Variants in DNMT3A observed in about 807,000 individuals in gnomAD.
The protein encoded by DNMT3A is DNA methyltransferase 3 alpha.
In DNMT3A, 267 loss-of-function variants were observed where a neutral mutation model predicts 117.6. That is an observed-to-expected ratio of 2.27 (90% CI 2.05 to 2.51). The LOEUF (loss-of-function observed/expected upper bound fraction) is 2.51. Among genes scored for constraint, DNMT3A ranks in the 30% most tolerant of loss-of-function variants. The probability of loss-of-function intolerance (pLI) is 0.00; values close to 1 mark genes in which losing one functional copy is unlikely to be tolerated. For missense variants in DNMT3A, 1,029 were observed against 1,260.2 expected (o/e 0.82, Z 2.78); for synonymous variants, 432 against 474.8 (o/e 0.91, Z 1.17).
At chr2:25,317,161 A>G (rs1449430359) in intron 1 of DNMT3A, among the ~76,000 whole-genome samples, 1 of 151,780 alleles carries the variant, frequency 6.6e-6, no homozygotes, top group Admixed American at 6.6e-5. Flanking sequence ...GCTCAAGTGC[A>G]AGTGATCCTC....
At chr2:25,340,588 C>A (rs1379732170) in intron 1 of DNMT3A, among the ~76,000 whole-genome samples, 1 of 152,042 alleles carries the variant, frequency 6.6e-6, no homozygotes, top group African/African-American at 2.4e-5. Flanking sequence ...CCGCCGCCTG[C>A]GGCTCCGAAG....
Position 25,245,245 on chromosome 2 carries a change from G to C in DNMT3A, c.1554+8C>G, listed in dbSNP as rs1284363803. 6.2e-7 allele frequency: 1 copy of C among 1,613,564 alleles called. No homozygotes were observed. The highest frequency in any genetic ancestry group is 8.5e-7 in the Non-Finnish European group (1 of 1,179,806). On this transcript the variant is annotated splice_region_variant and intron_variant, in intron 13 of 22. Transcript: ENST00000321117. ...AACGGCACCTCTCCTGGGTGGGTGT[G>C]CTCCTACCTTGCAGTTTTGGCACAT...
At chr2:25,300,607 AAATAATATATTATTTAGATATC>A (rs1241845595) in intron 2 of DNMT3A, among the ~76,000 whole-genome samples, 4 of 7,900 alleles carry the variant, frequency 5.1e-4, no homozygotes, top group Non-Finnish European at 1.9e-3. Flanking sequence ...ATATATATCT[AAATAATATATTATTTAGATATC>A]TAAATAATAT....
rs573357874 is a variant in DNMT3A at position 25,236,570 on chromosome 2, G to A, written c.2478+366C>T. 6.6e-6 allele frequency among the ~76,000 whole-genome samples: 1 copy of A among 152,244 alleles called. No individual in the cohort carries two copies. The highest frequency in any genetic ancestry group is 1.9e-4 in the East Asian group (1 of 5,164). ...AGTGCCCCAGGTAGTCACTCCGGGA[G>A]ATTCCAGCTCCAGAGAGAAATGGAG... On this transcript the variant is annotated intron_variant, in intron 21 of 22. Transcript: ENST00000321117. The surrounding 1 kb of genome is among the most constrained non-coding windows in gnomAD (Gnocchi z 4.5).
intron 4 of DNMT3A, among the ~76,000 whole-genome samples, chr2:25,279,848 G>A (rs769506927): frequency 7.2e-5 from 11 of 151,960 alleles, no homozygotes; most frequent in Non-Finnish European, 1.3e-4. Context: ...CACCAAGCTC[G>A]ACTAATTTTT....
At chr2:25,269,231 G>A (rs976506667) in intron 6 of DNMT3A, among the ~76,000 whole-genome samples, 5 of 152,204 alleles carry the variant, frequency 3.3e-5, no homozygotes, top group Admixed American at 3.3e-4. Context: ...CTGAGGCGAG[G>A]CACGAGAATC....
chr2:25,260,451 A>G (rs931605300), intron 6 of DNMT3A, among the ~76,000 whole-genome samples: 1 of 152,138 alleles, frequency 6.6e-6, no homozygotes, highest in East Asian at 1.9e-4. Context: ...TGGTATATAT[A>G]AGCAAGCTCA....
In DNMT3A at chr2:25,311,981, C is replaced by A. The variant is rs889398930; in HGVS notation, c.72+1932G>T. Among the ~76,000 whole-genome samples, 37 of 152,134 alleles carry A rather than the reference C, an allele frequency of 2.4e-4. No individual in the cohort carries two copies. The highest frequency in any genetic ancestry group is 8.9e-4 in the African/African-American group (37 of 41,432). On this transcript the variant is annotated intron_variant, in intron 2 of 22. Coordinates refer to ENST00000321117, the MANE Select transcript of DNMT3A (RefSeq NM_022552.5). The surrounding 1 kb of genome is among the most constrained non-coding windows in gnomAD (Gnocchi z 5.2). ...CCGCAGCCCAGAGCAGCAGCAGCGGCGTGGGAGTACAGTCCAGTAACAGGA... is the reference window on the plus strand; with the variant it reads ...CCGCAGCCCAGAGCAGCAGCAGCGGAGTGGGAGTACAGTCCAGTAACAGGA...
At chr2:25,315,789 C>T (rs2034350815) in intron 1 of DNMT3A, among the ~76,000 whole-genome samples, 1 of 152,236 alleles carries the variant, frequency 6.6e-6, no homozygotes, top group Admixed American at 6.5e-5. Flanking sequence ...ACTGGTCCAA[C>T]CCAGAAGCAC....
rs1008609042 is a variant in DNMT3A, at chr2:25,341,290, C to T, written c.-178+536G>A. Among the ~76,000 whole-genome samples, 8 of 144,906 alleles carry T rather than the reference C, an allele frequency of 5.5e-5. No individual in the cohort carries two copies. The East Asian group carries it at 1.6e-3, about 29-fold the overall frequency. On this transcript the variant is annotated intron_variant, in intron 1 of 22. Transcript: ENST00000321117. ...GCCGCGGAGCCTGCGCGGGGCCCGG[C>T]CCCCGCCCCCTCCCCCGCTCCCCCG...
chr2:25,322,352 T>C (rs2034627765), intron 1 of DNMT3A, among the ~76,000 whole-genome samples: 1 of 152,092 alleles, frequency 6.6e-6, no homozygotes, highest in Non-Finnish European at 1.5e-5. Context: ...TCCACCTCTG[T>C]TGTTCTATGA....
chr2:25,300,737 A>C (rs1469700302), intron 2 of DNMT3A, among the ~76,000 whole-genome samples: 30 of 40,934 alleles, frequency 7.3e-4, no homozygotes, highest in African/African-American at 3.1e-3. Context: ...ATATATATAT[A>C]TATATATATA....
chr2:25,241,758 C>T (rs1309293997), intron 16 of DNMT3A, 51 bp from the exon 17 acceptor site: 1 of 1,597,638 alleles, frequency 6.3e-7, no homozygotes, highest in Non-Finnish European at 8.5e-7. Flanking sequence ...TCCCTGGCAC[C>T]CTGGTCTCGG....
At chr2:25,303,168 C>A (rs2033609280) in intron 2 of DNMT3A, among the ~76,000 whole-genome samples, 1 of 152,240 alleles carries the variant, frequency 6.6e-6, no homozygotes, top group African/African-American at 2.4e-5. Flanking sequence ...CAGAGGGAGT[C>A]ATTTGACTTT....
chr2:25,321,596 C>A (rs1464766437), intron 1 of DNMT3A, among the ~76,000 whole-genome samples: 1 of 152,240 alleles, frequency 6.6e-6, no homozygotes, highest in African/African-American at 2.4e-5. Flanking sequence ...ATTCTGGCTA[C>A]CAAATGCACA....
chr2:25,271,885 G>C (rs2030939066), intron 6 of DNMT3A, among the ~76,000 whole-genome samples: 1 of 152,244 alleles, frequency 6.6e-6, no homozygotes, highest in Non-Finnish European at 1.5e-5. Flanking sequence ...AGACTTACTA[G>C]AAAATCTTTT....
rs751360082 is a variant in DNMT3A, at chr2:25,247,610, C to T, written c.995G>A (p.Gly332Glu). The T allele has an allele frequency of 1.2e-6, 2 of 1,614,108 alleles. No individual in the cohort carries two copies. Among genetic ancestry groups the T allele is most frequent in the South Asian group, 1.1e-5 (1 of 91,068 alleles). ...ACTTACCACTGAGAATTTGCCGTCTCCGAACCACATGACCCAGCGGGTGCC... is the reference window on the plus strand; with the variant it reads ...ACTTACCACTGAGAATTTGCCGTCTTCGAACCACATGACCCAGCGGGTGCC... ...AEGTRWVMWFGDGKFSVVCVE... is the reference protein window; with the variant it reads ...AEGTRWVMWFEDGKFSVVCVE... Residue 332 changes from glycine (G) to glutamate (E), a missense_variant, in exon 8 of 23, where the codon GGA becomes GAA. By Grantham distance (98) the Gly-to-Glu change is moderately conservative. Coordinates refer to ENST00000321117, the MANE Select transcript of DNMT3A (RefSeq NM_022552.5). This position sits in a 1 kb window ranked among gnomAD's most constrained non-coding sequence, Gnocchi z 5.6.
intron 3 of DNMT3A, among the ~76,000 whole-genome samples, chr2:25,295,465 C>T (rs2033034701): frequency 1.3e-5 from 2 of 152,284 alleles, no homozygotes; most frequent in Admixed American, 6.5e-5. Context: ...CCTCAGCCCC[C>T]TGCAGCCTTC....
At chr2:25,341,554 G>C (rs1407566036) in intron 1 of DNMT3A, among the ~76,000 whole-genome samples, 2 of 146,358 alleles carry the variant, frequency 1.4e-5, no homozygotes, top group Non-Finnish European at 3.0e-5. Context: ...GGGGAGGGGG[G>C]TCCGCGCCGG....
Sources: allele counts gnomAD v4.1 joint callset (sites outside exome capture counted in the v4.1 genomes callset), GRCh38; gene constraint gnomAD v4.1.1; non-coding constraint Gnocchi (gnomAD v3.1); transcripts MANE v1.5; gene names NCBI Gene and HGNC (gene_info 2026-07-23, HGNC 2026-07-21).